SPMIP2: variants seen among roughly 807,000 people sequenced by gnomAD.
SPMIP2 encodes the protein sperm microtubule inner protein 2, also known as protein SPMIP2.
At chr4:158,936,762 AG>A in the SPMIP2 span, among the ~76,000 whole-genome samples, 1 of 152,204 alleles carries the variant, frequency 6.6e-6, no homozygotes, top group African/African-American at 2.4e-5. Context: ...AATCACAATT[AG>A]GGCTTTAAAG....
the SPMIP2 span, among the ~76,000 whole-genome samples, chr4:159,024,265 T>C: frequency 1.3e-5 from 2 of 152,232 alleles, no homozygotes; most frequent in East Asian, 3.8e-4. Flanking sequence ...TAATCTTCTA[T>C]CCACTGCAGA....
the SPMIP2 span, chr4:159,007,520 G>T: frequency 1.2e-6 from 1 of 858,988 alleles, no homozygotes; most frequent in African/African-American, 1.7e-5. Context: ...GATTGAAGAT[G>T]GATGATTTTG....
the SPMIP2 span, among the ~76,000 whole-genome samples, chr4:158,990,549 C>G: frequency 6.6e-6 from 1 of 152,112 alleles, no homozygotes; most frequent in African/African-American, 2.4e-5. Context: ...CATGGAATAC[C>G]ATGCAGCCAT....
the SPMIP2 span, among the ~76,000 whole-genome samples, chr4:159,066,589 T>TTATATA: frequency 0.044 from 3,371 of 76,186 alleles, 58 homozygotes; most frequent in Admixed American, 0.063. Flanking sequence ...TGTGTGTATT[T>TTATATA]TATATATATA....
the SPMIP2 span, among the ~76,000 whole-genome samples, chr4:158,915,734 C>T: frequency 6.6e-6 from 1 of 152,224 alleles, no homozygotes; most frequent in African/African-American, 2.4e-5. Flanking sequence ...TTTGAGGTCT[C>T]ATGGACATTC....
chr4:158,922,828 T>TTAATAAAAAA, the SPMIP2 span, among the ~76,000 whole-genome samples: 3 of 152,228 alleles, frequency 2.0e-5, no homozygotes, highest in African/African-American at 7.2e-5. Flanking sequence ...ATAAATGGAA[T>TTAATAAAAAA]CATACAAAAT....
chr4:158,904,377 AAAT>A, the SPMIP2 span: 103 of 1,201,792 alleles, frequency 8.6e-5, 1 homozygote, highest in Non-Finnish European at 1.1e-4. Context: ...TAGTACCTAG[AAAT>A]AATACTTTCT....
chr4:159,035,380 T>C, the SPMIP2 span, among the ~76,000 whole-genome samples: 1 of 152,212 alleles, frequency 6.6e-6, no homozygotes, highest in African/African-American at 2.4e-5. Context: ...CAGAATACAC[T>C]TGTTCACAGG....
chr4:159,037,785 TACACACACACACACACAC>T, the SPMIP2 span, among the ~76,000 whole-genome samples: 9 of 118,922 alleles, frequency 7.6e-5, no homozygotes, highest in Non-Finnish European at 1.2e-4. Context: ...AAACAATATA[TACACACACACACACACAC>T]ACACACACAC....
chr4:159,056,101 G>A, the SPMIP2 span, among the ~76,000 whole-genome samples: 1,397 of 152,120 alleles, frequency 9.2e-3, 25 homozygotes, highest in African/African-American at 0.032. Flanking sequence ...ACTCCCAAAG[G>A]TATGTTGTAT....
the SPMIP2 span, among the ~76,000 whole-genome samples, chr4:158,957,143 T>C: frequency 6.6e-6 from 1 of 152,106 alleles, no homozygotes; most frequent in African/African-American, 2.4e-5. Context: ...CAATCCCTTC[T>C]CCATATAACA....
At chr4:158,987,167 C>T in the SPMIP2 span, among the ~76,000 whole-genome samples, 5 of 140,296 alleles carry the variant, frequency 3.6e-5, no homozygotes, top group Middle Eastern at 0.011. Flanking sequence ...AATAGGAACA[C>T]TTTTACACTG....
chr4:159,034,300 C>G, the SPMIP2 span, among the ~76,000 whole-genome samples: 1 of 152,318 alleles, frequency 6.6e-6, no homozygotes, highest in Non-Finnish European at 1.5e-5. Flanking sequence ...TCAAACCAAT[C>G]ACTTTACTAG....
the SPMIP2 span, among the ~76,000 whole-genome samples, chr4:158,983,456 G>A: frequency 3.3e-3 from 505 of 151,860 alleles, 4 homozygotes; most frequent in African/African-American, 0.011. Flanking sequence ...GGCTAACAGC[G>A]GATCTCTCGG....
At chr4:158,896,702 A>G in the SPMIP2 span, among the ~76,000 whole-genome samples, 1 of 150,950 alleles carries the variant, frequency 6.6e-6, no homozygotes, top group Non-Finnish European at 1.5e-5. Context: ...TTATTCTTAC[A>G]TACTTTATTT....
At chr4:158,915,405 C>A in the SPMIP2 span, 1 of 1,458,402 alleles carries the variant, frequency 6.9e-7, no homozygotes, top group South Asian at 1.2e-5. Flanking sequence ...GAGCTAGAAA[C>A]AAGGCCACCA....
the SPMIP2 span, among the ~76,000 whole-genome samples, chr4:158,925,023 T>C: frequency 1.5e-3 from 231 of 152,348 alleles, no homozygotes; most frequent in Admixed American, 4.1e-3. Context: ...TTTCTTGTTA[T>C]ATCTTTGTCT....
At chr4:158,954,582 C>T in the SPMIP2 span, among the ~76,000 whole-genome samples, 4 of 152,198 alleles carry the variant, frequency 2.6e-5, no homozygotes, top group Admixed American at 2.0e-4. Flanking sequence ...TCATGCCCAG[C>T]TGTTTAATAA....
the SPMIP2 span, among the ~76,000 whole-genome samples, chr4:158,995,417 T>G: frequency 8.0e-3 from 1,216 of 152,334 alleles, 18 homozygotes; most frequent in African/African-American, 0.028. Context: ...CTGACACTTA[T>G]GCACAGCTTA....
Sources: gnomAD v4.1 joint callset for allele counts (sites outside exome capture counted in the v4.1 genomes callset) on GRCh38, gnomAD v4.1.1 for gene constraint, MANE v1.5 for transcripts, NCBI Gene and HGNC (gene_info 2026-07-23, HGNC 2026-07-21) for gene names.